The following GPC6 variants were observed in gnomAD, a reference collection of about 807,000 sequenced individuals.
The protein encoded by GPC6 is glypican-6.
Under a neutral mutation model 55.2 loss-of-function variants are expected in GPC6, and 14 were observed. That is an observed-to-expected ratio of 0.25 (90% CI 0.17 to 0.40). The LOEUF (loss-of-function observed/expected upper bound fraction) is 0.40, where lower values mean the gene tolerates loss of function less well. GPC6 is among the 10% of genes least tolerant of loss of function. The pLI is 1.00. For missense variants in GPC6, 641 were observed against 708.5 expected (o/e 0.90, Z 1.08); for synonymous variants, 278 against 259.6 (o/e 1.07, Z -0.68).
chr13:94,261,966 T>G (rs1891670619), intron 4 of GPC6, among the ~76,000 whole-genome samples: 1 of 152,220 alleles, frequency 6.6e-6, no homozygotes, highest in Non-Finnish European at 1.5e-5. Context: ...TTGAAGATAT[T>G]TGCACATGTT....
At chr13:94,092,888 C>A (rs528838846) in intron 4 of GPC6, among the ~76,000 whole-genome samples, 1 of 152,192 alleles carries the variant, frequency 6.6e-6, no homozygotes. Flanking sequence ...TGATGTTGAA[C>A]ATGTTTTATA....
intron 4 of GPC6, among the ~76,000 whole-genome samples, chr13:94,196,545 A>G (rs553820740): frequency 6.6e-6 from 1 of 152,322 alleles, no homozygotes; most frequent in Non-Finnish European, 1.5e-5. Context: ...TTTTACCTTC[A>G]AGGCTGTGTC....
chr13:93,971,422 T>C (rs76689750), intron 3 of GPC6, among the ~76,000 whole-genome samples: 2,805 of 152,292 alleles, frequency 0.018, 100 homozygotes, highest in African/African-American at 0.064. Context: ...GCAAATAAAT[T>C]GAAAATAAAA....
chr13:94,387,825 C>A (rs1030216328), intron 7 of GPC6, among the ~76,000 whole-genome samples: 1 of 151,680 alleles, frequency 6.6e-6, no homozygotes, highest in African/African-American at 2.4e-5. Context: ...CCTAATCAGA[C>A]ACAGGATATG....
rs138365672 is a variant in GPC6 at position 93,763,107 on chromosome 13, G to A, written c.320-67047G>A. 2.8e-3 allele frequency among the ~76,000 whole-genome samples: 426 copies of A among 152,266 alleles called. 1 individual carries two copies. Among genetic ancestry groups the A allele is most frequent in the African/African-American group, 9.6e-3 (401 of 41,562 alleles). ...TTCATGATAGGATAATCAATAAAGA[G>A]CAACTATTAATTCAGTGTCGCTCTG... is the stretch of plus-strand genomic sequence containing the variant. On this transcript the variant is annotated intron_variant, in intron 2 of 8. Transcript: ENST00000377047.
At chr13:94,079,729 C>G (rs574144365) in intron 4 of GPC6, among the ~76,000 whole-genome samples, 1 of 152,300 alleles carries the variant, frequency 6.6e-6, no homozygotes, top group African/African-American at 2.4e-5. Context: ...AGTTCCATAA[C>G]CATTGTAAAA....
chr13:93,461,920 A>T (rs1326883263), intron 1 of GPC6, among the ~76,000 whole-genome samples: 1 of 152,148 alleles, frequency 6.6e-6, no homozygotes, highest in Non-Finnish European at 1.5e-5. Context: ...TTGTAGTTGA[A>T]CTTAACTGGA....
At chr13:94,014,908 A>G (rs1882400472) in intron 3 of GPC6, among the ~76,000 whole-genome samples, 1 of 152,328 alleles carries the variant, frequency 6.6e-6, no homozygotes, top group African/African-American at 2.4e-5. Context: ...TGCTGTACAG[A>G]TATACCACAT....
intron 2 of GPC6, among the ~76,000 whole-genome samples, chr13:93,613,320 A>T (rs1878565884): frequency 6.6e-6 from 1 of 152,128 alleles, no homozygotes. Flanking sequence ...TGGCTAAGTG[A>T]TTGCTGTGGA....
At chr13:93,551,049 A>G (rs1006317546) in intron 2 of GPC6, among the ~76,000 whole-genome samples, 10 of 152,168 alleles carry the variant, frequency 6.6e-5, no homozygotes, top group African/African-American at 2.4e-4. Context: ...GGCATCCAAG[A>G]AGACTTTTTG....
chr13:93,514,181 C>CTT lies in GPC6; in HGVS notation c.161-31079_161-31078dup, dbSNP rs527738351. Among the ~76,000 whole-genome samples, 5 of 152,126 alleles carry CTT rather than the reference C, an allele frequency of 3.3e-5. No individual in the cohort carries two copies. The East Asian group carries it at 9.7e-4, about 30-fold the overall frequency. ...AGCCACCACTCCTGGTCACATTCAT[C>CTT]TTTTCACTAGTAACCAGAAAGACTT... On this transcript the variant is annotated intron_variant, in intron 1 of 8. Coordinates refer to ENST00000377047, the MANE Select transcript of GPC6 (RefSeq NM_005708.5).
At chr13:93,887,374 T>C (rs968242414) in intron 3 of GPC6, among the ~76,000 whole-genome samples, 3 of 152,032 alleles carry the variant, frequency 2.0e-5, no homozygotes, top group African/African-American at 4.8e-5. Flanking sequence ...AAAAGTAATT[T>C]TAATACTTAT....
intron 4 of GPC6, among the ~76,000 whole-genome samples, chr13:94,150,628 C>G (rs1010255621): frequency 6.6e-6 from 1 of 151,560 alleles, no homozygotes; most frequent in African/African-American, 2.4e-5. Flanking sequence ...TTTTCTTTTT[C>G]TCCCTTCTGA....
intron 3 of GPC6, among the ~76,000 whole-genome samples, chr13:93,978,476 A>G (rs1183575154): frequency 6.6e-6 from 1 of 152,180 alleles, no homozygotes; most frequent in African/African-American, 2.4e-5. Context: ...ACAGTCTCCA[A>G]ATATAACCAA....
chr13:93,647,178 A>G (rs1179802466), intron 2 of GPC6, among the ~76,000 whole-genome samples: 1 of 152,164 alleles, frequency 6.6e-6, no homozygotes, highest in Non-Finnish European at 1.5e-5. Flanking sequence ...GCAAATTTAA[A>G]TTGTATGTGT....
intron 3 of GPC6, among the ~76,000 whole-genome samples, chr13:93,920,851 A>C (rs1227973459): frequency 6.6e-6 from 1 of 152,162 alleles, no homozygotes; most frequent in Non-Finnish European, 1.5e-5. Context: ...TGAAATCTTC[A>C]AGATTTTTTT....
chr13:93,571,070 G>A (rs1876380644), intron 2 of GPC6, among the ~76,000 whole-genome samples: 1 of 151,964 alleles, frequency 6.6e-6, no homozygotes, highest in Admixed American at 6.6e-5. Flanking sequence ...TTCTAATCAA[G>A]CATTTGAGTC....
chr13:93,364,060 G>A (rs570136176), intron 1 of GPC6, among the ~76,000 whole-genome samples: 5 of 151,988 alleles, frequency 3.3e-5, no homozygotes, highest in South Asian at 2.1e-4. Context: ...AGTAGGTTGC[G>A]AAAATTTTCT....
At chr13:94,049,580 T>G (rs1883863517) in intron 4 of GPC6, among the ~76,000 whole-genome samples, 1 of 152,078 alleles carries the variant, frequency 6.6e-6, no homozygotes, top group Non-Finnish European at 1.5e-5. Context: ...CACTTGCTGT[T>G]CCCTGCTCCT....
Sources: gnomAD v4.1 joint callset for allele counts (sites outside exome capture counted in the v4.1 genomes callset) on GRCh38, gnomAD v4.1.1 for gene constraint, MANE v1.5 for transcripts, NCBI Gene and HGNC (gene_info 2026-07-23, HGNC 2026-07-21) for gene names.